GPR107: variants seen among roughly 807,000 people sequenced by gnomAD.
The protein encoded by GPR107 is G protein-coupled receptor 107, also known as protein GPR107.
Under a neutral mutation model 75.5 loss-of-function variants are expected in GPR107, and 31 were observed. That is an observed-to-expected ratio of 0.41 (90% CI 0.31 to 0.55). The LOEUF (loss-of-function observed/expected upper bound fraction) is 0.55, where lower values mean the gene tolerates loss of function less well. GPR107 is among the 20% of genes least tolerant of loss of function. The probability of loss-of-function intolerance (pLI) is 0.26; values close to 1 mark genes in which losing one functional copy is unlikely to be tolerated. For synonymous variants in GPR107, 267 were observed against 251.3 expected (o/e 1.06, Z -0.59); for missense variants, 572 against 665.7 (o/e 0.86, Z 1.55).
chr9:130,081,841 GTGAGAGCCTGTCTCAAA>G (rs1830498869), intron 5 of GPR107, among the ~76,000 whole-genome samples: 1 of 152,092 alleles, frequency 6.6e-6, no homozygotes. Context: ...GGGTGACAGA[GTGAGAGCCTGTCTCAAA>G]ACCAACCACC....
At position 130,132,806 on chromosome 9, in the gene GPR107, A is replaced by AT. The variant is rs1331041330; in HGVS notation, c.1563-2219_1563-2218insT. 7.8e-3 allele frequency among the ~76,000 whole-genome samples: 1,037 copies of AT among 132,196 alleles called. 6 individuals carry two copies. The highest frequency in any genetic ancestry group is 0.015 in the Middle Eastern group (4 of 262). The allele number at this position is 132,196 out of a possible 152,430, so 86.7% of individuals were successfully genotyped here. A position where few individuals can be genotyped will look rare whatever the true frequency, so the allele number is the denominator to read the frequency against. The stretch of plus-strand genomic sequence containing the variant: ...ATCTCAAAAAATCAAATAAAAAAAA[A>AT]ATATATATATATTTTTATATATTTA... On this transcript the variant is annotated intron_variant, in intron 17 of 17. Transcript: ENST00000347136.
chr9:130,059,377 A>G (rs1030338681), intron 1 of GPR107, among the ~76,000 whole-genome samples: 1 of 152,108 alleles, frequency 6.6e-6, no homozygotes, highest in Non-Finnish European at 1.5e-5. Flanking sequence ...AATCCAAGCT[A>G]CTGGGGAGGC....
At chr9:130,087,282 C>G (rs1749094652) in intron 7 of GPR107, among the ~76,000 whole-genome samples, 1 of 152,118 alleles carries the variant, frequency 6.6e-6, no homozygotes, top group Admixed American at 6.5e-5. Context: ...AAGCAGTCCT[C>G]TTACCTGGGC....
At chr9:130,109,033 C>G (rs1474811548) in intron 14 of GPR107, among the ~76,000 whole-genome samples, 1 of 50,036 alleles carries the variant, frequency 2.0e-5, no homozygotes, top group Non-Finnish European at 3.8e-5. Flanking sequence ...GAGTTTTGCT[C>G]TTTTTGCCCA....
intron 7 of GPR107, among the ~76,000 whole-genome samples, chr9:130,090,595 G>C (rs1359677383): frequency 6.6e-6 from 1 of 152,194 alleles, no homozygotes; most frequent in African/African-American, 2.4e-5. Context: ...ATTGTCAGCT[G>C]TTCTGTATGC....
intron 6 of GPR107, among the ~76,000 whole-genome samples, chr9:130,083,898 C>T (rs543048421): frequency 2.0e-5 from 3 of 151,934 alleles, no homozygotes; most frequent in Non-Finnish European, 2.9e-5. Context: ...CCTAATACAA[C>T]GTAAATGCTT....
At chr9:130,062,644 G>T (rs147803156) in intron 1 of GPR107, among the ~76,000 whole-genome samples, 7 of 70,958 alleles carry the variant, frequency 9.9e-5, no homozygotes, top group African/African-American at 3.8e-4. Flanking sequence ...CTGCCTGCCT[G>T]CCTGCCTGCC....
chr9:130,090,760 T>C (rs776321665), intron 7 of GPR107, 116 bp from the exon 8 acceptor site: 7 of 526,082 alleles, frequency 1.3e-5, no homozygotes, highest in South Asian at 1.2e-4. Flanking sequence ...TTTAGAAATA[T>C]AGCTGAGTAG....
intron 16 of GPR107, among the ~76,000 whole-genome samples, chr9:130,127,883 A>G (rs984885112): frequency 1.3e-5 from 2 of 152,084 alleles, no homozygotes; most frequent in Non-Finnish European, 2.9e-5. Context: ...TTGTTTTTTT[A>G]GTAGAGATGG....
chr9:130,106,486 A>G (rs550723812), intron 13 of GPR107, among the ~76,000 whole-genome samples: 1 of 151,878 alleles, frequency 6.6e-6, no homozygotes, highest in South Asian at 2.1e-4. Flanking sequence ...AGTCCCAGCT[A>G]CTCGGGAGGC....
At chr9:130,095,540 G>A (rs962260649) in intron 9 of GPR107, among the ~76,000 whole-genome samples, 1 of 152,000 alleles carries the variant, frequency 6.6e-6, no homozygotes, top group Non-Finnish European at 1.5e-5. Flanking sequence ...GACTACAGGC[G>A]TCCGCCACCA....
At chr9:130,094,656 A>ATTTTG (rs567703608) in intron 9 of GPR107, among the ~76,000 whole-genome samples, 2 of 151,264 alleles carry the variant, frequency 1.3e-5, no homozygotes, top group African/African-American at 2.4e-5. Flanking sequence ...GGGTTTTTTT[A>ATTTTG]TTTTGTTTTG....
At chr9:130,081,931 G>A (rs1320665293) in intron 5 of GPR107, among the ~76,000 whole-genome samples, 1 of 152,052 alleles carries the variant, frequency 6.6e-6, no homozygotes, top group African/African-American at 2.4e-5. Context: ...TTGCCTCACA[G>A]TTCTGCAGGC....
intron 1 of GPR107, among the ~76,000 whole-genome samples, chr9:130,060,757 T>C (rs557067537): frequency 6.6e-5 from 10 of 152,280 alleles, no homozygotes; most frequent in African/African-American, 2.4e-4. Flanking sequence ...GGTTTGATAC[T>C]TCTATGATAA....
At position 130,135,590 on chromosome 9, in the gene GPR107, T is replaced by C. The variant is rs1395562132; in HGVS notation, c.*469T>C. Reference sequence around the variant, plus strand: ...AGAAGAAGGGCGGGGAGAGTGCCATTGCCTGTTTGGGAGACAAAAATGAAC... The same window carrying C: ...AGAAGAAGGGCGGGGAGAGTGCCATCGCCTGTTTGGGAGACAAAAATGAAC... On this transcript the variant is annotated 3_prime_UTR_variant, in exon 18 of 18. Transcript: ENST00000347136. 1 of 153,306 alleles carries C rather than the reference T, an allele frequency of 6.5e-6. No individual in the cohort carries two copies. The highest frequency in any genetic ancestry group is 2.4e-5 in the African/African-American group (1 of 41,226). The allele number at this position is 153,306 out of a possible 1,614,324, so 9.5% of individuals were successfully genotyped here. A position where few individuals can be genotyped will look rare whatever the true frequency, so the allele number is the denominator to read the frequency against.
rs778224789 is a variant in GPR107 at position 130,092,234 on chromosome 9, C to T, written c.730-14C>T. On this transcript the variant is annotated splice_polypyrimidine_tract_variant and intron_variant, in intron 8 of 17. Coordinates refer to ENST00000347136, the MANE Select transcript of GPR107 (RefSeq NM_020960.5). ...GTTTCTGAAAAGTAAAAATTAATTTCATGCTGGTTTCAGATTGAGATCACA... is the reference window on the plus strand; with the variant it reads ...GTTTCTGAAAAGTAAAAATTAATTTTATGCTGGTTTCAGATTGAGATCACA... 3 of 1,604,286 alleles carry T rather than the reference C, an allele frequency of 1.9e-6. No homozygotes were observed. The highest frequency in any genetic ancestry group is 4.5e-5 in the East Asian group (2 of 44,850).
chr9:130,074,581 A>G (rs1333741588), intron 1 of GPR107, among the ~76,000 whole-genome samples: 1 of 152,108 alleles, frequency 6.6e-6, no homozygotes, highest in Non-Finnish European at 1.5e-5. Flanking sequence ...AGACAGCATC[A>G]AGCAGGTGGG....
At chr9:130,057,264 A>T (rs1027357085) in intron 1 of GPR107, among the ~76,000 whole-genome samples, 10 of 152,178 alleles carry the variant, frequency 6.6e-5, no homozygotes, top group Admixed American at 6.6e-5. Flanking sequence ...AGCTCGTTTG[A>T]GGTCAAGAGT....
chr9:130,096,248 T>G (rs2132599986), intron 9 of GPR107, among the ~76,000 whole-genome samples: 1 of 152,204 alleles, frequency 6.6e-6, no homozygotes, highest in East Asian at 1.9e-4. Flanking sequence ...TATTCTGGCC[T>G]TGACTTCCCT....
Sources: gnomAD v4.1 joint callset for allele counts (sites outside exome capture counted in the v4.1 genomes callset) on GRCh38, gnomAD v4.1.1 for gene constraint, MANE v1.5 for transcripts, NCBI Gene and HGNC (gene_info 2026-07-23, HGNC 2026-07-21) for gene names.